The following HMCN1 variants were observed in gnomAD, a reference collection of about 807,000 sequenced individuals.
The protein encoded by HMCN1 is hemicentin-1.
In HMCN1, 321 loss-of-function variants were observed where a neutral mutation model predicts 625.9. The observed-to-expected ratio is 0.51, with a 90% CI of 0.47 to 0.56. The LOEUF is 0.56. Ranked by LOEUF, HMCN1 falls within the 20% of genes least tolerant of loss-of-function variation. The pLI is 0.00. For missense variants in HMCN1, 6,588 were observed against 6,887.3 expected (o/e 0.96, Z 1.54); for synonymous variants, 2,425 against 2,417.6 (o/e 1.00, Z -0.09).
chr1:185,886,503 C>T (rs1664659708), intron 4 of HMCN1, among the ~76,000 whole-genome samples: 2 of 151,848 alleles, frequency 1.3e-5, no homozygotes, highest in Non-Finnish European at 2.9e-5. Flanking sequence ...TCATCTCTTA[C>T]TTGCACAAAC....
At chr1:185,814,338 T>G (rs1571392005) in intron 1 of HMCN1, among the ~76,000 whole-genome samples, 2 of 152,196 alleles carry the variant, frequency 1.3e-5, no homozygotes, top group Non-Finnish European at 2.9e-5. Context: ...AATTAAAAAT[T>G]AGTGCTAGAA....
In HMCN1 at chr1:186,093,648, T is replaced by C. The variant is rs748003262; in HGVS notation, c.10175T>C (p.Leu3392Pro). Residue 3392 changes from leucine (L) to proline (P), a missense_variant, in exon 66 of 107, where the codon CTG becomes CCG. By Grantham distance (98) the Leu-to-Pro change is moderately conservative. Coordinates refer to ENST00000271588, the MANE Select transcript of HMCN1 (RefSeq NM_031935.3). ...CCTCTCTCCTCCCATATCCGGTTAC[T>C]GGCAGCAGGACAAGTTATCAGGTCA... The part of the protein sequence containing the change: ...PLPLSSHIRL[L>P]AAGQVIRIVR... 2 of 1,613,340 alleles carry C rather than the reference T, an allele frequency of 1.2e-6. No homozygotes were observed. Among genetic ancestry groups the C allele is most frequent in the Non-Finnish European group, 1.7e-6 (2 of 1,179,518 alleles).
chr1:186,145,858 A>G lies in HMCN1; in HGVS notation c.14543A>G (p.Lys4848Arg), dbSNP rs923305380. ...CTGTGCGACCATCCTGTGCCAGTTA[A>G]AGGTGGCCGTCCCTGTCCCGGAGAC... Reference protein sequence around the residue: ...KRLCDHPVPVKGGRPCPGDTT... With the variant: ...KRLCDHPVPVRGGRPCPGDTT... Residue 4848 changes from lysine (K) to arginine (R), a missense_variant, in exon 93 of 107, where the codon AAA becomes AGA. By Grantham distance (26) the Lys-to-Arg change is conservative. Transcript: ENST00000271588. 2.5e-6 allele frequency: 4 copies of G among 1,613,950 alleles called. No homozygotes were observed. Among genetic ancestry groups the G allele is most frequent in the African/African-American group, 2.7e-5 (2 of 74,878 alleles).
Position 186,137,880 on chromosome 1 carries a change from G to C in HMCN1, c.13832G>C (p.Arg4611Thr), listed in dbSNP as rs754830202. ...GGACGCGGCAACCAAACCAGGACCA[G>C]GACTTGCAATAATCCATCAGTTCAG... ...SCGRGNQTRT[R>T]TCNNPSVQHG... The change falls in exon 89 of 107, where the codon AGG becomes ACG. Residue 4611 changes from arginine (R) to threonine (T), a missense_variant. Arg to Thr is a moderately conservative substitution (Grantham distance 71). Around this residue, in one of 3 missense-constraint regions of HMCN1, gnomAD observed 1,954 missense variants for 2,013.1 expected, o/e 0.97. Transcript: ENST00000271588. 1.9e-6 allele frequency: 3 copies of C among 1,613,968 alleles called. No individual in the cohort carries two copies. Among genetic ancestry groups the C allele is most frequent in the Non-Finnish European group, 2.5e-6 (3 of 1,180,002 alleles).
At chr1:186,100,484 T>C (rs1485723890) in intron 68 of HMCN1, among the ~76,000 whole-genome samples, 1 of 152,096 alleles carries the variant, frequency 6.6e-6, no homozygotes, top group Non-Finnish European at 1.5e-5. Flanking sequence ...TATTACAAAA[T>C]AGGGGGTTTT....
intron 58 of HMCN1, among the ~76,000 whole-genome samples, chr1:186,086,890 GA>G (rs1228942109): frequency 1.1e-4 from 17 of 152,014 alleles, no homozygotes; most frequent in African/African-American, 4.1e-4. Flanking sequence ...GGCATTGTGG[GA>G]AATTTAAACC....
intron 1 of HMCN1, among the ~76,000 whole-genome samples, chr1:185,749,825 C>T (rs1409783398): frequency 6.6e-6 from 1 of 152,180 alleles, no homozygotes; most frequent in Non-Finnish European, 1.5e-5. Flanking sequence ...TGTCCTTATT[C>T]ACATCACTTT....
intron 97 of HMCN1, among the ~76,000 whole-genome samples, chr1:186,159,885 T>TTA (rs1268391290): frequency 2.0e-5 from 3 of 152,178 alleles, no homozygotes; most frequent in Non-Finnish European, 4.4e-5. Flanking sequence ...AAATGCTCTT[T>TTA]TTTGGTTGTG....
At chr1:186,054,480 C>T (rs1049767932) in intron 44 of HMCN1, among the ~76,000 whole-genome samples, 4 of 152,012 alleles carry the variant, frequency 2.6e-5, no homozygotes, top group Non-Finnish European at 4.4e-5. Context: ...TGAACAAGGT[C>T]GCGTGGCTTG....
chr1:185,928,463 C>T (rs61647031), intron 9 of HMCN1, 83 bp from the exon 10 acceptor site: 80 of 1,151,836 alleles, frequency 6.9e-5, no homozygotes, highest in Non-Finnish European at 9.2e-5. Context: ...TTTGAATGAA[C>T]CTTCAAAAGA....
intron 44 of HMCN1, 65 bp downstream of exon 44, chr1:186,054,051 A>T: frequency 6.8e-7 from 1 of 1,464,828 alleles, no homozygotes; most frequent in Non-Finnish European, 9.5e-7. Context: ...CTTCTCATTT[A>T]CTTTTAAAAA....
intron 85 of HMCN1, among the ~76,000 whole-genome samples, chr1:186,131,006 A>G (rs1661906332): frequency 4.6e-5 from 7 of 152,138 alleles, no homozygotes; most frequent in Admixed American, 6.6e-5. Flanking sequence ...TTACATATAA[A>G]TTATAGAGTA....
intron 69 of HMCN1, 144 bp downstream of exon 69, chr1:186,103,812 T>C (rs1660492662): frequency 4.5e-6 from 3 of 672,596 alleles, no homozygotes; most frequent in Non-Finnish European, 7.5e-6. Flanking sequence ...TCCTATGATA[T>C]GCATGATTGG....
chr1:186,019,435 C>CTT (rs11290212), intron 34 of HMCN1, 106 bp from the exon 35 acceptor site: 39 of 706,910 alleles, frequency 5.5e-5, no homozygotes, highest in South Asian at 6.8e-5. Context: ...TAGGGATTTG[C>CTT]TTTTTTTTTT....
chr1:186,177,907 T>TA (rs1652699918), intron 103 of HMCN1, among the ~76,000 whole-genome samples: 1 of 152,114 alleles, frequency 6.6e-6, no homozygotes, highest in Non-Finnish European at 1.5e-5. Context: ...CAGAGGAAGA[T>TA]ACACAAATTT....
intron 4 of HMCN1, among the ~76,000 whole-genome samples, chr1:185,877,321 CTTTTTTTTTTTTTTT>C (rs71557837): frequency 8.6e-5 from 3 of 34,874 alleles, no homozygotes; most frequent in Non-Finnish European, 1.6e-4. Context: ...ATGTGTCTTT[CTTTTTTTTTTTTTTT>C]TTTTTTTTTT....
chr1:186,044,206 G>T (rs575556772), intron 40 of HMCN1, among the ~76,000 whole-genome samples: 3 of 152,282 alleles, frequency 2.0e-5, no homozygotes, highest in East Asian at 3.9e-4. Context: ...TAATGTCAGT[G>T]TTTTCTGTTT....
At chr1:186,014,946 A>G (rs1273344352) in intron 30 of HMCN1, among the ~76,000 whole-genome samples, 1 of 152,078 alleles carries the variant, frequency 6.6e-6, no homozygotes. Context: ...GGAATCTGTG[A>G]CTTTCTGTTT....
At chr1:186,071,684 G>A (rs1215307774) in intron 52 of HMCN1, among the ~76,000 whole-genome samples, 2 of 152,060 alleles carry the variant, frequency 1.3e-5, no homozygotes, top group Non-Finnish European at 2.9e-5. Flanking sequence ...TGCAATATTG[G>A]CAGCTAGAAA....
Sources: allele counts gnomAD v4.1 joint callset (sites outside exome capture counted in the v4.1 genomes callset), GRCh38; gene constraint gnomAD v4.1.1; regional missense constraint gnomAD v4.1.1; transcripts MANE v1.5; gene names NCBI Gene and HGNC (gene_info 2026-07-23, HGNC 2026-07-21).